Variants in MARK4 observed in about 807,000 individuals in gnomAD.
MARK4 encodes MAP/microtubule affinity-regulating kinase 4.
MARK4 carries 19 observed loss-of-function variants against 81.5 expected under a neutral mutation model. The ratio of observed to expected loss-of-function variants is 0.23; its 90% CI spans 0.16 to 0.34. The LOEUF (loss-of-function observed/expected upper bound fraction) is 0.34. Ranked by LOEUF, MARK4 falls within the 10% of genes least tolerant of loss-of-function variation. MARK4 has a pLI of 1.00. For missense variants in MARK4, 772 were observed against 1,058.8 expected, an observed-to-expected ratio of 0.73 and a Z score of 3.76; for synonymous variants, 436 against 439.0, an observed-to-expected ratio of 0.99 and a Z score of 0.08.
chr19:45,266,369 C>T lies in MARK4; in HGVS notation c.549+88C>T, dbSNP rs1281731075. ...CCCACCCCTCCATGGTTTCCGTGGC[C>T]TCCAGCAAATTCCTCCAGCCCTTTT... is the stretch of plus-strand genomic sequence containing the variant. On this transcript the variant is annotated intron_variant, in intron 7 of 16. Coordinates refer to ENST00000262891, the MANE Select transcript of MARK4 (RefSeq NM_001199867.2). The T allele has an allele frequency of 3.8e-6, 5 of 1,303,770 alleles. No homozygotes were observed. In the African/African-American group the frequency reaches 4.4e-5, roughly 11 times the overall value. 80.8% of individuals were successfully genotyped at this position (1,303,770 alleles called of 1,614,324 possible).
chr19:45,251,545 GCC>G lies in MARK4; in HGVS notation c.-37_-36del. ...GAAGAGAGGGGACCCTGGGACCCCC[GCC>G]CCCCCCACCCGGCCGCCCCTGCCCC... On this transcript the variant is annotated 5_prime_UTR_variant, in exon 1 of 17. Coordinates refer to ENST00000262891, the MANE Select transcript of MARK4 (RefSeq NM_001199867.2). The G allele has an allele frequency of 7.1e-6, 1 of 139,898 alleles. No individual in the cohort carries two copies. The highest frequency in any genetic ancestry group is 1.4e-4 in the East Asian group (1 of 7,200). The allele number at this position is 139,898 out of a possible 1,614,324, so 8.7% of individuals were successfully genotyped here.
At chr19:45,290,439 G>A (rs1599799792) in intron 13 of MARK4, among the ~76,000 whole-genome samples, 2 of 152,274 alleles carry the variant, frequency 1.3e-5, no homozygotes, top group African/African-American at 4.8e-5. Context: ...TTGACCACAA[G>A]TGTCCACCTG....
At chr19:45,290,532 A>G (rs1970807178) in intron 13 of MARK4, among the ~76,000 whole-genome samples, 1 of 152,218 alleles carries the variant, frequency 6.6e-6, no homozygotes, top group African/African-American at 2.4e-5. Context: ...ACCAGCAGCA[A>G]CTGACTGTGA....
chr19:45,294,178 T>TA (rs1264186290), intron 13 of MARK4, among the ~76,000 whole-genome samples, 171 bp from the exon 14 acceptor site: 4 of 152,062 alleles, frequency 2.6e-5, no homozygotes, highest in Non-Finnish European at 5.9e-5. Context: ...TGGCTGGGAT[T>TA]ACTCATGAAC....
intron 4 of MARK4, among the ~76,000 whole-genome samples, chr19:45,264,430 G>C (rs887874518): frequency 6.6e-6 from 1 of 151,682 alleles, no homozygotes; most frequent in African/African-American, 2.4e-5. Context: ...GAACCTGGGA[G>C]GGTGAGCAGA....
In MARK4 at chr19:45,294,405, C is replaced by T; in HGVS notation, c.1551C>T (p.Arg517=). 4 of 1,614,162 alleles carry T rather than the reference C, an allele frequency of 2.5e-6. No homozygotes were observed. The highest frequency in any genetic ancestry group is 3.4e-6 in the Non-Finnish European group (4 of 1,180,026). ...TRRNTYVCTE[R]PGAERPSLLP... ...GAAACACCTACGTTTGCACAGAACG[C>T]CCGGGGGCTGAGCGCCCGTCACTGT... Residue 517 remains arginine (R), a synonymous_variant, in exon 14 of 17, where the codon CGC becomes CGT. Coordinates refer to ENST00000262891, the MANE Select transcript of MARK4 (RefSeq NM_001199867.2).
rs1221058316 is a variant in MARK4 at position 45,304,018 on chromosome 19, G to C, written c.*1308G>C. 1 of 152,258 alleles carries C rather than the reference G, an allele frequency of 6.6e-6. No homozygotes were observed. The highest frequency in any genetic ancestry group is 2.4e-5 in the African/African-American group (1 of 41,458). The allele number at this position is 152,258 out of a possible 1,614,324, so 9.4% of individuals were successfully genotyped here. On this transcript the variant is annotated 3_prime_UTR_variant, in exon 17 of 17. Coordinates refer to ENST00000262891, the MANE Select transcript of MARK4 (RefSeq NM_001199867.2). ...ATCAGCAAGAGAAATGCTGTATTAGGACTAATAATCCATCTACGCTGCTTA... is the reference window on the plus strand; with the variant it reads ...ATCAGCAAGAGAAATGCTGTATTAGCACTAATAATCCATCTACGCTGCTTA...
chr19:45,277,863 G>C, intron 8 of MARK4, 60 bp from the exon 9 acceptor site: 2 of 1,447,450 alleles, frequency 1.4e-6, no homozygotes, highest in Non-Finnish European at 9.4e-7. Flanking sequence ...GTGTGTGTGT[G>C]TGTGTGTAAT....
chr19:45,290,544 C>T (rs969645459), intron 13 of MARK4, among the ~76,000 whole-genome samples: 8 of 152,238 alleles, frequency 5.3e-5, no homozygotes, highest in Non-Finnish European at 1.0e-4. Flanking sequence ...TGACTGTGAC[C>T]GGCTTTGACC....
chr19:45,284,384 G>A (rs557750638), intron 12 of MARK4, among the ~76,000 whole-genome samples: 2 of 150,146 alleles, frequency 1.3e-5, no homozygotes, highest in East Asian at 2.0e-4. Flanking sequence ...GTGCAGTGGC[G>A]CAATCTTGGC....
At position 45,251,647 on chromosome 19, in the gene MARK4, G is replaced by A; in HGVS notation, c.51+8G>A. On this transcript the variant is annotated splice_region_variant and intron_variant, in intron 1 of 16. Transcript: ENST00000262891. ...GATCGGAACTCGGACACGGTGAGTG[G>A]GGCCCGGCCCCTTGGGGAGCCCTGG... 6.6e-7 allele frequency: 1 copy of A among 1,521,058 alleles called. No homozygotes were observed. The highest frequency in any genetic ancestry group is 2.8e-5 in the East Asian group (1 of 36,206). The allele number at this position is 1,521,058 out of a possible 1,614,324, so 94.2% of individuals were successfully genotyped here.
chr19:45,276,114 C>T (rs557561325), intron 8 of MARK4, among the ~76,000 whole-genome samples: 24 of 152,312 alleles, frequency 1.6e-4, no homozygotes, highest in South Asian at 6.2e-4. Context: ...GCAGCCTCAA[C>T]CTCCCGGGCT....
intron 15 of MARK4, chr19:45,298,199 C>G: frequency 6.2e-7 from 1 of 1,614,134 alleles, no homozygotes; most frequent in East Asian, 2.2e-5. Context: ...TCGGGCGCCT[C>G]TCTGCCCCAG....
chr19:45,298,165 C>A (rs777239383), intron 15 of MARK4: 1 of 1,614,070 alleles, frequency 6.2e-7, no homozygotes, highest in Non-Finnish European at 8.5e-7. Flanking sequence ...TCCCTCTAAA[C>A]GGCAGAACTC....
chr19:45,258,835 T>A (rs1970343097), intron 1 of MARK4, 154 bp from the exon 2 acceptor site: 1 of 778,476 alleles, frequency 1.3e-6, no homozygotes, highest in Admixed American at 3.0e-5. Context: ...GGCGTCTTTT[T>A]GTAGAGAAAG....
In MARK4 at chr19:45,251,435, C is replaced by G. The variant is rs1020678531; in HGVS notation, c.-154C>G. The stretch of plus-strand genomic sequence containing the variant: ...TCGGCGTCCCTTCCCCTCCCCCGCC[C>G]TGCCCCCTCTCCCGCCGCGCGGACC... On this transcript the variant is annotated 5_prime_UTR_variant, in exon 1 of 17. Transcript: ENST00000262891. The G allele has an allele frequency of 2.0e-6, 1 of 501,684 alleles. No individual in the cohort carries two copies. Among genetic ancestry groups the G allele is most frequent in the African/African-American group, 2.1e-5 (1 of 48,316 alleles). 31.1% of individuals were successfully genotyped at this position (501,684 alleles called of 1,614,324 possible).
rs1296809121 is a variant in MARK4, at chr19:45,305,140, A to C, written c.*2430A>C. 1.3e-5 allele frequency: 2 copies of C among 152,440 alleles called. No individual in the cohort carries two copies. The allele number at this position is 152,440 out of a possible 1,614,324, so 9.4% of individuals were successfully genotyped here. A position where few individuals can be genotyped will look rare whatever the true frequency, so the allele number is the denominator to read the frequency against. On this transcript the variant is annotated 3_prime_UTR_variant, in exon 17 of 17. Transcript: ENST00000262891. ...AGATTTAAGAGAGTCCTGTGAGGCA[A>C]AGTGGGCAGGACCTGGTAACAGGTG...
chr19:45,263,462 C>G lies in MARK4; in HGVS notation c.355+95C>G. On this transcript the variant is annotated intron_variant, in intron 4 of 16. Transcript: ENST00000262891. ...AGTGGTTAGAATAGTTGGAGACCCA[C>G]CAGGCGCAGTGGCTCACTCCTGTAA... 3 of 1,511,296 alleles carry G rather than the reference C, an allele frequency of 2.0e-6. No individual in the cohort carries two copies. In the East Asian group the frequency reaches 6.8e-5, roughly 34 times the overall value. The allele number at this position is 1,511,296 out of a possible 1,614,324, so 93.6% of individuals were successfully genotyped here. A position where few individuals can be genotyped will look rare whatever the true frequency, so the allele number is the denominator to read the frequency against.
chr19:45,297,824 G>C lies in MARK4; in HGVS notation c.1747G>C (p.Gly583Arg). ...CCGGGACCGGCGGGCAGGGGGTGGGGGTGGTGGGGGTGTGCAGAATGGGCC... is the reference window on the plus strand; with the variant it reads ...CCGGGACCGGCGGGCAGGGGGTGGGCGTGGTGGGGGTGTGCAGAATGGGCC... Reference protein sequence around the residue: ...QVRDRRAGGGGGGGVQNGPPA... With the variant: ...QVRDRRAGGGRGGGVQNGPPA... The change falls in exon 15 of 17, where the codon GGT (glycine) becomes CGT (arginine). Residue 583 changes from glycine to arginine, a missense_variant. By Grantham distance (125) the Gly-to-Arg change is moderately radical. Transcript: ENST00000262891. 1 of 1,542,526 alleles carries C rather than the reference G, an allele frequency of 6.5e-7. No homozygotes were observed. The highest frequency in any genetic ancestry group is 1.2e-5 in the South Asian group (1 of 83,622).
Sources: allele counts gnomAD v4.1 joint callset (sites outside exome capture counted in the v4.1 genomes callset), GRCh38; gene constraint gnomAD v4.1.1; transcripts MANE v1.5; gene names NCBI Gene and HGNC (gene_info 2026-07-23, HGNC 2026-07-21).